Variants in ESRRG observed in about 807,000 individuals in gnomAD.
ESRRG encodes the protein estrogen-related receptor gamma.
In ESRRG, 13 loss-of-function variants were observed where a neutral mutation model predicts 44.0. The observed-to-expected ratio is 0.30, with a 90% confidence interval of 0.19 to 0.47. The LOEUF (loss-of-function observed/expected upper bound fraction) is 0.47. ESRRG is among the 20% of genes least tolerant of loss of function. ESRRG has a pLI of 1.00. For missense variants in ESRRG, 395 were observed against 580.6 expected (o/e 0.68, Z 3.29); for synonymous variants, 215 against 214.6 (o/e 1.00, Z -0.02).
chr1:216,967,170 C>A (rs6698252), intron 1 of ESRRG, among the ~76,000 whole-genome samples: 51,954 of 129,748 alleles, frequency 0.4, 10,571 homozygotes, highest in Non-Finnish European at 0.55. Flanking sequence ...CACAGCATCG[C>A]CCCCCCTCCC....
At chr1:217,095,750 G>A (rs2092414169) in intron 1 of ESRRG, among the ~76,000 whole-genome samples, 1 of 152,180 alleles carries the variant, frequency 6.6e-6, no homozygotes, top group African/African-American at 2.4e-5. Flanking sequence ...AGAGATTTAT[G>A]AAGCATGGTG....
At chr1:216,818,760 A>G (rs994619211) in intron 2 of ESRRG, among the ~76,000 whole-genome samples, 1 of 151,906 alleles carries the variant, frequency 6.6e-6, no homozygotes, top group African/African-American at 2.4e-5. Flanking sequence ...AGATGCTCTC[A>G]CTTCCTCCCT....
intron 2 of ESRRG, among the ~76,000 whole-genome samples, chr1:216,849,433 C>A (rs1259688805): frequency 1.3e-5 from 2 of 152,098 alleles, no homozygotes; most frequent in African/African-American, 4.8e-5. Flanking sequence ...TATCTCTCGA[C>A]ATTTAAAGGT....
intron 2 of ESRRG, among the ~76,000 whole-genome samples, chr1:216,771,657 A>G (rs1306950580): frequency 2.6e-5 from 4 of 152,112 alleles, no homozygotes; most frequent in African/African-American, 7.2e-5. Context: ...GTACTGCAAG[A>G]ACAATTAATA....
intron 2 of ESRRG, among the ~76,000 whole-genome samples, chr1:216,838,156 A>G (rs2095597453): frequency 6.6e-6 from 1 of 152,078 alleles, no homozygotes; most frequent in Non-Finnish European, 1.5e-5. Flanking sequence ...CTTACCTTAG[A>G]TCTCCTCCTA....
At chr1:216,819,362 TA>T (rs1476920421) in intron 2 of ESRRG, among the ~76,000 whole-genome samples, 2 of 134,510 alleles carry the variant, frequency 1.5e-5, no homozygotes, top group Middle Eastern at 6.7e-3. Context: ...AAATCCTTCC[TA>T]TTCTTTAAAG....
intron 1 of ESRRG, among the ~76,000 whole-genome samples, chr1:216,695,192 C>T (rs530832072): frequency 5.9e-5 from 9 of 151,820 alleles, no homozygotes; most frequent in South Asian, 4.2e-4. Context: ...TGACAAAGTA[C>T]GATTTTTAAT....
chr1:217,009,349 A>G (rs529786987), intron 1 of ESRRG, among the ~76,000 whole-genome samples: 2 of 152,194 alleles, frequency 1.3e-5, no homozygotes, highest in Non-Finnish European at 2.9e-5. Flanking sequence ...ACTTGCCTAC[A>G]AGGGATGCCA....
At chr1:216,743,839 C>G (rs954030450) in intron 2 of ESRRG, among the ~76,000 whole-genome samples, 4 of 152,180 alleles carry the variant, frequency 2.6e-5, no homozygotes, top group Non-Finnish European at 5.9e-5. Flanking sequence ...CAGTAACATT[C>G]TAATTTTACT....
intron 2 of ESRRG, among the ~76,000 whole-genome samples, chr1:216,673,950 C>T (rs560573021): frequency 3.3e-5 from 5 of 152,264 alleles, no homozygotes; most frequent in African/African-American, 1.2e-4. Context: ...AGTAAATATT[C>T]GTTGAATAAA....
At chr1:216,920,385 TGTGTG>T (rs1230044347) in intron 2 of ESRRG, among the ~76,000 whole-genome samples, 1 of 58,660 alleles carries the variant, frequency 1.7e-5, no homozygotes, top group Non-Finnish European at 3.1e-5. Context: ...TGTATGGGAG[TGTGTG>T]TGTGTGTGTG....
At chr1:216,959,861 T>A (rs1020192951) in intron 1 of ESRRG, among the ~76,000 whole-genome samples, 1 of 152,096 alleles carries the variant, frequency 6.6e-6, no homozygotes, top group Non-Finnish European at 1.5e-5. Flanking sequence ...TTTTAAGTAA[T>A]AATAAAACAG....
At chr1:216,554,219 TG>T (rs1413023930) in intron 5 of ESRRG, among the ~76,000 whole-genome samples, 2 of 151,972 alleles carry the variant, frequency 1.3e-5, no homozygotes, top group Non-Finnish European at 2.9e-5. Context: ...TTTGGAAGGC[TG>T]GGGTGGGTGG....
At chr1:216,802,274 C>T (rs2094646523) in intron 2 of ESRRG, among the ~76,000 whole-genome samples, 1 of 151,858 alleles carries the variant, frequency 6.6e-6, no homozygotes. Flanking sequence ...GCACATCTTC[C>T]CAAGAAAATG....
intron 2 of ESRRG, among the ~76,000 whole-genome samples, chr1:216,914,931 G>A (rs976351122): frequency 6.6e-6 from 1 of 152,150 alleles, no homozygotes; most frequent in Non-Finnish European, 1.5e-5. Context: ...TCACAGCACA[G>A]GAGGGATTTG....
chr1:216,636,916 T>C (rs555685004), intron 3 of ESRRG, among the ~76,000 whole-genome samples: 142 of 152,360 alleles, frequency 9.3e-4, no homozygotes, highest in African/African-American at 3.2e-3. Flanking sequence ...AGGGTTTGAA[T>C]TGAATTTCTG....
intron 2 of ESRRG, among the ~76,000 whole-genome samples, chr1:216,820,978 T>C (rs2095273526): frequency 6.6e-6 from 1 of 152,230 alleles, no homozygotes; most frequent in Non-Finnish European, 1.5e-5. Context: ...TATTGGACTT[T>C]TTGAAAATAT....
chr1:216,831,689 AT>A (rs2095490157), intron 2 of ESRRG, among the ~76,000 whole-genome samples: 1 of 152,194 alleles, frequency 6.6e-6, no homozygotes, highest in African/African-American at 2.4e-5. Flanking sequence ...CATGATATGC[AT>A]TTGGATATAG....
intron 2 of ESRRG, among the ~76,000 whole-genome samples, chr1:216,883,988 G>GT (rs1490638176): frequency 6.6e-6 from 1 of 152,184 alleles, no homozygotes; most frequent in Non-Finnish European, 1.5e-5. Flanking sequence ...CCCCACTGCA[G>GT]TCCTTCAGAA....
Sources: gnomAD v4.1 joint callset for allele counts (sites outside exome capture counted in the v4.1 genomes callset) on GRCh38, gnomAD v4.1.1 for gene constraint, MANE v1.5 for transcripts, NCBI Gene and HGNC (gene_info 2026-07-23, HGNC 2026-07-21) for gene names.